The following CIMAP3 variants were observed in gnomAD, a reference collection of about 807,000 sequenced individuals.
CIMAP3 encodes ciliary microtubule associated protein 3, also known as ciliary microtubule-associated protein 3.
the CIMAP3 span, among the ~76,000 whole-genome samples, chr1:111,328,763 T>C: frequency 1.3e-5 from 2 of 152,240 alleles, no homozygotes; most frequent in African/African-American, 4.8e-5. Flanking sequence ...GATAAGTCTC[T>C]TGAAGACAGC....
chr1:111,347,618 C>CTTTTTTTTT, the CIMAP3 span: 12 of 929,666 alleles, frequency 1.3e-5, no homozygotes, highest in East Asian at 2.7e-5. Flanking sequence ...GTTGTTTTTT[C>CTTTTTTTTT]TTTCTTTTTT....
the CIMAP3 span, among the ~76,000 whole-genome samples, chr1:111,335,666 C>T: frequency 2.0e-5 from 3 of 152,258 alleles, no homozygotes; most frequent in Non-Finnish European, 4.4e-5. Context: ...CGCCATTGCC[C>T]AGGCTTGCTT....
chr1:111,346,336 C>T, the CIMAP3 span: 2 of 301,832 alleles, frequency 6.6e-6, no homozygotes, highest in Non-Finnish European at 1.3e-5. Context: ...ACCTCACTGT[C>T]CTTCCCTCTA....
the CIMAP3 span, among the ~76,000 whole-genome samples, chr1:111,335,934 T>C: frequency 6.6e-6 from 1 of 152,206 alleles, no homozygotes; most frequent in Non-Finnish European, 1.5e-5. Context: ...CTGAGCAGCC[T>C]AACTGGGAGG....
the CIMAP3 span, among the ~76,000 whole-genome samples, chr1:111,334,571 G>A: frequency 1.3e-5 from 2 of 152,208 alleles, no homozygotes; most frequent in Admixed American, 1.3e-4. Context: ...TGACCCTACT[G>A]AGACAGGATA....
chr1:111,333,459 T>C, the CIMAP3 span, among the ~76,000 whole-genome samples: 1 of 152,190 alleles, frequency 6.6e-6, no homozygotes, highest in African/African-American at 2.4e-5. Flanking sequence ...GTGTATATCC[T>C]TGTGCTCCTA....
chr1:111,346,583 T>C, the CIMAP3 span: 1 of 1,606,990 alleles, frequency 6.2e-7, no homozygotes, highest in South Asian at 1.1e-5. Flanking sequence ...GCTCCGCAGC[T>C]GGGAATCACG....
chr1:111,341,985 T>C, the CIMAP3 span, among the ~76,000 whole-genome samples: 1 of 152,004 alleles, frequency 6.6e-6, no homozygotes, highest in Non-Finnish European at 1.5e-5. Context: ...GAGTCGAGCA[T>C]GAGCATGGGG....
the CIMAP3 span, among the ~76,000 whole-genome samples, chr1:111,335,152 AAGAC>A: frequency 0.19 from 21,966 of 117,914 alleles, 4,042 homozygotes; most frequent in South Asian, 0.27. Context: ...AAAAAAAAAA[AAGAC>A]AGAAAAAAAA....
chr1:111,332,993 A>G, the CIMAP3 span, among the ~76,000 whole-genome samples: 1 of 152,220 alleles, frequency 6.6e-6, no homozygotes, highest in Admixed American at 6.5e-5. Context: ...GGCACTGGAC[A>G]GGACAAGGGC....
chr1:111,331,243 G>C, the CIMAP3 span, among the ~76,000 whole-genome samples: 1 of 152,058 alleles, frequency 6.6e-6, no homozygotes, highest in East Asian at 1.9e-4. Flanking sequence ...CTGGATGTCT[G>C]TCTCTTTCCC....
At chr1:111,336,916 T>C in the CIMAP3 span, among the ~76,000 whole-genome samples, 8 of 151,438 alleles carry the variant, frequency 5.3e-5, no homozygotes, top group East Asian at 1.4e-3. Context: ...AAAGTTGAAA[T>C]GACGGAAAAA....
At chr1:111,335,293 G>A in the CIMAP3 span, among the ~76,000 whole-genome samples, 36 of 152,276 alleles carry the variant, frequency 2.4e-4, no homozygotes, top group East Asian at 6.8e-3. Context: ...GGTGATTTCT[G>A]CATTTCCATC....
chr1:111,329,759 G>C, the CIMAP3 span, among the ~76,000 whole-genome samples: 1 of 151,636 alleles, frequency 6.6e-6, no homozygotes, highest in Admixed American at 6.6e-5. Flanking sequence ...TCACCACATA[G>C]GCCAGGCTGG....
chr1:111,351,270 C>A, the CIMAP3 span: 2 of 1,587,234 alleles, frequency 1.3e-6, no homozygotes, highest in African/African-American at 1.4e-5. Flanking sequence ...TGTCCACAGA[C>A]AAAGACTTTA....
the CIMAP3 span, among the ~76,000 whole-genome samples, chr1:111,345,963 C>G: frequency 1.3e-5 from 2 of 152,024 alleles, no homozygotes; most frequent in African/African-American, 2.4e-5. Context: ...ATTTTTATTC[C>G]CAATTTAGAG....
chr1:111,335,956 A>T, the CIMAP3 span, among the ~76,000 whole-genome samples: 1 of 152,164 alleles, frequency 6.6e-6, no homozygotes, highest in African/African-American at 2.4e-5. Flanking sequence ...ACCCCCCAGT[A>T]GGGGCAGACT....
At chr1:111,338,366 TAG>T in the CIMAP3 span, among the ~76,000 whole-genome samples, 1 of 150,930 alleles carries the variant, frequency 6.6e-6, no homozygotes, top group Admixed American at 6.6e-5. Flanking sequence ...CTGAAGGAAA[TAG>T]AGACACAAAA....
the CIMAP3 span, among the ~76,000 whole-genome samples, chr1:111,326,799 T>C: frequency 3.3e-5 from 5 of 152,206 alleles, no homozygotes; most frequent in East Asian, 9.6e-4. Flanking sequence ...TGGGGTAAGA[T>C]GGTATCTCAT....
Sources: gnomAD v4.1 joint callset for allele counts (sites outside exome capture counted in the v4.1 genomes callset) on GRCh38, gnomAD v4.1.1 for gene constraint, MANE v1.5 for transcripts, NCBI Gene and HGNC (gene_info 2026-07-23, HGNC 2026-07-21) for gene names.